Variants in ALPK2 observed in about 807,000 individuals in gnomAD.
The protein encoded by ALPK2 is alpha-protein kinase 2.
ALPK2 carries 127 observed loss-of-function variants against 163.1 expected under a neutral mutation model. The observed-to-expected ratio is 0.78, with a 90% CI of 0.67 to 0.90. ALPK2 has a LOEUF of 0.90. ALPK2 is among the 40% of genes least tolerant of loss of function. The pLI is 0.00. For synonymous variants in ALPK2, 953 were observed against 959.1 expected, an observed-to-expected ratio of 0.99 and a Z score of 0.12; for missense variants, 2,360 against 2,589.6, an observed-to-expected ratio of 0.91 and a Z score of 1.92.
At chr18:58,588,384 T>C (rs909114966) in intron 3 of ALPK2, among the ~76,000 whole-genome samples, 1 of 152,176 alleles carries the variant, frequency 6.6e-6, no homozygotes, top group Non-Finnish European at 1.5e-5. Flanking sequence ...GTCAACACAG[T>C]GAAAAGGGCA....
At chr18:58,614,984 T>C (rs2052157906) in intron 1 of ALPK2, among the ~76,000 whole-genome samples, 3 of 151,002 alleles carry the variant, frequency 2.0e-5, no homozygotes, top group Admixed American at 2.0e-4. Flanking sequence ...ATTATGGATT[T>C]TTTTTTTTTT....
At chr18:58,581,320 C>CCATG (rs2051958049) in intron 3 of ALPK2, among the ~76,000 whole-genome samples, 1 of 152,202 alleles carries the variant, frequency 6.6e-6, no homozygotes, top group South Asian at 2.1e-4. Flanking sequence ...AAAGATAATA[C>CCATG]CATGATAGGA....
chr18:58,506,309 T>C (rs2051461701), intron 10 of ALPK2, among the ~76,000 whole-genome samples: 1 of 150,266 alleles, frequency 6.7e-6, no homozygotes, highest in Non-Finnish European at 1.5e-5. Flanking sequence ...AGCCCAAACC[T>C]CAGCATCACA....
intron 12 of ALPK2, among the ~76,000 whole-genome samples, chr18:58,483,529 C>CTTTATTTA (rs144938882): frequency 0.18 from 25,190 of 142,598 alleles, 2,376 homozygotes; most frequent in Middle Eastern, 0.26. Context: ...GTCCTACTCA[C>CTTTATTTA]TTTATTTATT....
At position 58,573,214 on chromosome 18, in the gene ALPK2, G is replaced by GTA. The variant is rs768095408; in HGVS notation, c.1962+5598_1962+5599dup. On this transcript the variant is annotated intron_variant, in intron 4 of 12. Coordinates refer to ENST00000361673, the MANE Select transcript of ALPK2 (RefSeq NM_052947.4). ...TATGTGTATATATATGTGTATATATGTATATATATGTGTATATGTGTGTAT... is the reference window on the plus strand; with the variant it reads ...TATGTGTATATATATGTGTATATATGTATATATATATGTGTATATGTGTGTAT... Among the ~76,000 whole-genome samples the GTA allele has an allele frequency of 4.7e-3, 666 of 141,674 alleles. 6 individuals carry two copies. The highest frequency in any genetic ancestry group is 6.4e-3 in the Non-Finnish European group (419 of 65,278). 92.9% of individuals were successfully genotyped at this position (141,674 alleles called of 152,430 possible).
rs1027674144 is a variant in ALPK2, at chr18:58,536,037, C to T, written c.4150G>A (p.Asp1384Asn). 1 of 1,614,180 alleles carries T rather than the reference C, an allele frequency of 6.2e-7. No individual in the cohort carries two copies. The highest frequency in any genetic ancestry group is 1.7e-5 in the Admixed American group (1 of 60,026). ...QDQEEKQLKMDHTAFFKKFLT... is the reference protein window; with the variant it reads ...QDQEEKQLKMNHTAFFKKFLT... ...AACTTTTTAAAGAAGGCAGTGTGAT[C>T]CATCTTGAGTTGTTTTTCCTCCTGG... is the stretch of plus-strand genomic sequence containing the variant. The change falls in exon 5 of 13, where the codon GAT becomes AAT. Residue 1384 changes from aspartate (D) to asparagine (N), a missense_variant. Transcript: ENST00000361673.
At chr18:58,531,886 G>A (rs897840112) in intron 5 of ALPK2, among the ~76,000 whole-genome samples, 6 of 118,318 alleles carry the variant, frequency 5.1e-5, no homozygotes, top group Admixed American at 2.4e-4. Flanking sequence ...GTAGTGAGCC[G>A]AGATTGCACC....
intron 3 of ALPK2, among the ~76,000 whole-genome samples, chr18:58,583,729 C>A (rs1389822588): frequency 8.1e-6 from 1 of 123,192 alleles, no homozygotes; most frequent in Non-Finnish European, 1.7e-5. Flanking sequence ...CAGAGCAAGA[C>A]TTTGTCTCAA....
At chr18:58,624,918 T>A (rs1602245332) in intron 1 of ALPK2, among the ~76,000 whole-genome samples, 2 of 152,202 alleles carry the variant, frequency 1.3e-5, no homozygotes, top group African/African-American at 4.8e-5. Flanking sequence ...AATGATTTAA[T>A]CAAAACCATC....
At chr18:58,552,491 T>C (rs2051765100) in intron 4 of ALPK2, among the ~76,000 whole-genome samples, 1 of 152,160 alleles carries the variant, frequency 6.6e-6, no homozygotes, top group African/African-American at 2.4e-5. Context: ...AGAAATAATC[T>C]ACTTGGGGGA....
intron 11 of ALPK2, 122 bp from the exon 12 acceptor site, chr18:58,498,219 A>C: frequency 1.2e-6 from 1 of 856,874 alleles, no homozygotes; most frequent in Non-Finnish European, 1.9e-6. Flanking sequence ...CTGCATAAAC[A>C]CTCGAGGCCT....
chr18:58,548,373 C>T (rs1220304621), intron 4 of ALPK2, among the ~76,000 whole-genome samples: 1 of 150,362 alleles, frequency 6.7e-6, no homozygotes, highest in Non-Finnish European at 1.5e-5. Flanking sequence ...TTGTCCATAT[C>T]ACAGTGGTGC....
chr18:58,492,957 T>C (rs1261925519), intron 12 of ALPK2, among the ~76,000 whole-genome samples: 1 of 152,012 alleles, frequency 6.6e-6, no homozygotes, highest in African/African-American at 2.4e-5. Context: ...ACTGCGAAAA[T>C]CACCACTGTT....
At position 58,580,193 on chromosome 18, in the gene ALPK2, C is replaced by T. The variant is rs1387502295; in HGVS notation, c.583G>A (p.Gly195Arg). 1.2e-6 allele frequency: 2 copies of T among 1,614,180 alleles called. No individual in the cohort carries two copies. The highest frequency in any genetic ancestry group is 1.7e-6 in the Non-Finnish European group (2 of 1,180,022). Residue 195 changes from glycine to arginine, a missense_variant, in exon 4 of 13, where the codon GGA (glycine) becomes AGA (arginine). Coordinates refer to ENST00000361673, the MANE Select transcript of ALPK2 (RefSeq NM_052947.4). ...SSSENPLGVK[G>R]TRHTGEAYDP... ...TAAGCCTCTCCAGTGTGCCTTGTTC[C>T]TTTAACACCCAAAGGATTTTCAGAA... is the stretch of plus-strand genomic sequence containing the variant.
intron 4 of ALPK2, among the ~76,000 whole-genome samples, chr18:58,552,112 G>A (rs1016636663): frequency 9.2e-5 from 14 of 152,020 alleles, no homozygotes; most frequent in Non-Finnish European, 1.6e-4. Context: ...GCCCCAAATC[G>A]CAAGGCAGTA....
At chr18:58,611,176 G>A (rs1193225220) in intron 2 of ALPK2, among the ~76,000 whole-genome samples, 3 of 151,840 alleles carry the variant, frequency 2.0e-5, no homozygotes, top group African/African-American at 7.3e-5. Flanking sequence ...TACTCGGGAG[G>A]CTGAGGCAGG....
chr18:58,565,770 C>CCTTCCTTT (rs1269176505), intron 4 of ALPK2, among the ~76,000 whole-genome samples: 11 of 80,656 alleles, frequency 1.4e-4, no homozygotes, highest in Admixed American at 3.9e-4. Context: ...TTCCTTCCTT[C>CCTTCCTTT]CTTTCTTTCT....
chr18:58,507,201 A>G (rs1330060223), intron 10 of ALPK2, among the ~76,000 whole-genome samples: 1 of 152,236 alleles, frequency 6.6e-6, no homozygotes, highest in Non-Finnish European at 1.5e-5. Flanking sequence ...TATATGTTTA[A>G]TGGATCAGAA....
In ALPK2 at chr18:58,529,219, C is replaced by T. The variant is rs7236563; in HGVS notation, c.5373G>A (p.Lys1791=). 839,045 of 1,611,076 alleles carry T rather than the reference C, an allele frequency of 0.52. 224,642 individuals are homozygous for T. Among genetic ancestry groups the T allele is most frequent in the Non-Finnish European group, 0.56 (661,048 of 1,178,514 alleles). Residue 1791 remains lysine, a synonymous_variant, in exon 6 of 13, where the codon AAG becomes AAA. Coordinates refer to ENST00000361673, the MANE Select transcript of ALPK2 (RefSeq NM_052947.4). The part of the protein sequence containing the change: ...REGRAPVLLK[K]IQAEMFPEHS... ...GTTCAGGGAACATCTCAGCTTGGAT[C>T]TTTTTCAGTAATACTGGAGCTAGAA...
Sources: allele counts gnomAD v4.1 joint callset (sites outside exome capture counted in the v4.1 genomes callset), GRCh38; gene constraint gnomAD v4.1.1; transcripts MANE v1.5; gene names NCBI Gene and HGNC (gene_info 2026-07-23, HGNC 2026-07-21).